The following ZPBP variants were observed in gnomAD, a reference collection of about 807,000 sequenced individuals.
The protein encoded by ZPBP is zona pellucida binding protein.
Under a neutral mutation model 44.8 loss-of-function variants are expected in ZPBP, and 26 were observed. The observed-to-expected ratio is 0.58, with a 90% CI of 0.43 to 0.81. The LOEUF (loss-of-function observed/expected upper bound fraction) is 0.81. ZPBP is among the 30% of genes least tolerant of loss of function. The pLI, the probability that ZPBP is intolerant of heterozygous loss-of-function variation, is 0.00. For missense variants in ZPBP, 409 were observed against 434.0 expected (o/e 0.94, Z 0.51); for synonymous variants, 174 against 153.2 (o/e 1.14, Z -1.00).
chr7:49,845,633 A>T (rs1789923293), downstream of ZPBP, among the ~76,000 whole-genome samples: 1 of 152,206 alleles, frequency 6.6e-6, no homozygotes, highest in Non-Finnish European at 1.5e-5. Context: ...CAAATACAGA[A>T]ATTCCTAACT....
intron 2 of ZPBP, among the ~76,000 whole-genome samples, chr7:49,852,510 T>G (rs563597635): frequency 1.1e-4 from 17 of 152,150 alleles, no homozygotes; most frequent in Non-Finnish European, 2.2e-4. Flanking sequence ...ACCTTTATAC[T>G]TCTTAAAATT....
intron 7 of ZPBP, among the ~76,000 whole-genome samples, chr7:49,981,309 ATATAT>A (rs1796870541): frequency 5.2e-5 from 3 of 57,978 alleles, no homozygotes; most frequent in South Asian, 4.8e-4. Flanking sequence ...ATATATAATT[ATATAT>A]TATATAATAT....
intron 2 of ZPBP, among the ~76,000 whole-genome samples, chr7:49,894,934 G>A (rs1792310729): frequency 6.6e-6 from 1 of 152,200 alleles, no homozygotes. Context: ...TGTTGTGAAA[G>A]ACTTTTTTTA....
At chr7:49,992,235 G>T (rs1797606141) in intron 6 of ZPBP, among the ~76,000 whole-genome samples, 1 of 152,022 alleles carries the variant, frequency 6.6e-6, no homozygotes, top group African/African-American at 2.4e-5. Context: ...AGTAAATGAT[G>T]AAATGAAGAA....
chr7:49,869,814 A>G (rs985281826), intron 2 of ZPBP, among the ~76,000 whole-genome samples: 2 of 151,908 alleles, frequency 1.3e-5, no homozygotes, highest in Non-Finnish European at 2.9e-5. Context: ...AAATGTACAT[A>G]TATGTTTTTT....
At chr7:50,027,690 A>C (rs1799401320) in intron 5 of ZPBP, among the ~76,000 whole-genome samples, 1 of 151,962 alleles carries the variant, frequency 6.6e-6, no homozygotes, top group Non-Finnish European at 1.5e-5. Flanking sequence ...GAAAAAATGC[A>C]ATAAAATTGA....
At chr7:49,926,624 C>G (rs1297966264) in intron 1 of ZPBP, among the ~76,000 whole-genome samples, 1 of 152,220 alleles carries the variant, frequency 6.6e-6, no homozygotes, top group Non-Finnish European at 1.5e-5. Flanking sequence ...GAGACCCATC[C>G]CACTGCCTGT....
chr7:49,981,457 A>AATATATATAATTATAT (rs1172760350), intron 7 of ZPBP, among the ~76,000 whole-genome samples: 2 of 17,342 alleles, frequency 1.2e-4, no homozygotes, highest in African/African-American at 9.5e-4. Flanking sequence ...ATGTACATAT[A>AATATATATAATTATAT]ATAATATATA....
At chr7:50,083,842 C>A (rs1339071252) in intron 2 of ZPBP, among the ~76,000 whole-genome samples, 1 of 151,918 alleles carries the variant, frequency 6.6e-6, no homozygotes, top group Non-Finnish European at 1.5e-5. Flanking sequence ...TCCAGGTACA[C>A]TGAATAACTG....
intron 4 of ZPBP, among the ~76,000 whole-genome samples, chr7:50,057,527 T>C (rs1801018135): frequency 6.6e-6 from 1 of 152,208 alleles, no homozygotes; most frequent in South Asian, 2.1e-4. Context: ...TCTTTCCTCT[T>C]TCTGTAATTC....
intron 2 of ZPBP, among the ~76,000 whole-genome samples, chr7:49,866,671 A>C (rs183975720): frequency 3.3e-5 from 5 of 152,282 alleles, no homozygotes; most frequent in Admixed American, 3.3e-4. Context: ...CAGGTGCCTC[A>C]TTTGCAGGAT....
chr7:49,841,984 A>G, the ZPBP span, among the ~76,000 whole-genome samples: 1 of 151,932 alleles, frequency 6.6e-6, no homozygotes, highest in African/African-American at 2.4e-5. Flanking sequence ...CTCCTGTCTC[A>G]GCCTCCTGAG....
chr7:50,009,967 A>G (rs1222525861), intron 6 of ZPBP, among the ~76,000 whole-genome samples: 1 of 152,172 alleles, frequency 6.6e-6, no homozygotes, highest in African/African-American at 2.4e-5. Context: ...AAATTACAAA[A>G]TACTGATAGA....
At chr7:50,077,303 C>T (rs1802145060) in intron 3 of ZPBP, among the ~76,000 whole-genome samples, 1 of 147,846 alleles carries the variant, frequency 6.8e-6, no homozygotes, top group Non-Finnish European at 1.5e-5. Flanking sequence ...CTATTATAAA[C>T]ATTGGGGAAA....
intron 1 of ZPBP, among the ~76,000 whole-genome samples, chr7:49,907,549 T>C (rs1793172167): frequency 6.6e-6 from 1 of 152,208 alleles, no homozygotes; most frequent in Admixed American, 6.5e-5. Context: ...AAGAGATTTA[T>C]TCTGAGCCAA....
At chr7:49,921,736 A>C (rs1583845860) in intron 1 of ZPBP, 1 of 152,028 alleles carries the variant, frequency 6.6e-6, no homozygotes, top group African/African-American at 2.4e-5. Context: ...TTTAGTGCTC[A>C]TTTGAAAAAT....
intron 4 of ZPBP, among the ~76,000 whole-genome samples, chr7:50,049,231 CCAAA>C (rs1228868103): frequency 2.6e-5 from 4 of 151,858 alleles, no homozygotes; most frequent in Non-Finnish European, 5.9e-5. Flanking sequence ...ATGAATTCTA[CCAAA>C]CAGTTAAGAT....
the ZPBP span, among the ~76,000 whole-genome samples, chr7:49,845,151 C>A: frequency 6.6e-6 from 1 of 152,030 alleles, no homozygotes; most frequent in Non-Finnish European, 1.5e-5. Flanking sequence ...GAAGGGAGAG[C>A]ATCAGGAAGA....
chr7:49,957,714 C>T lies in ZPBP; in HGVS notation c.962-20092G>A, dbSNP rs117353982. On this transcript the variant is annotated intron_variant, in intron 7 of 7. Coordinates refer to ENST00000046087, the MANE Select transcript of ZPBP (RefSeq NM_007009.3). ...GCAGAGACTTACCATAGGGGCAGAG[C>T]CACGGCAGAGAGCCTCTACTGTGGT... Among the ~76,000 whole-genome samples, 385 of 152,250 alleles carry T rather than the reference C, an allele frequency of 2.5e-3. 2 individuals carry two copies. Among genetic ancestry groups the T allele is most frequent in the Middle Eastern group, 6.8e-3 (2 of 294 alleles).
Sources: gnomAD v4.1 joint callset for allele counts (sites outside exome capture counted in the v4.1 genomes callset) on GRCh38, gnomAD v4.1.1 for gene constraint, MANE v1.5 for transcripts, NCBI Gene and HGNC (gene_info 2026-07-23, HGNC 2026-07-21) for gene names.